Variants in RFX3 observed in about 807,000 individuals in gnomAD.
The protein encoded by RFX3 is regulatory factor X3, also known as transcription factor RFX3.
A neutral mutation model predicts 98.6 loss-of-function variants in RFX3; 14 were observed. The observed-to-expected ratio is 0.14, with a 90% CI of 0.09 to 0.22. The LOEUF (loss-of-function observed/expected upper bound fraction) is 0.22. Among genes scored for constraint, RFX3 ranks in the 10% least tolerant of loss-of-function variants. RFX3 has a pLI of 1.00. For missense variants in RFX3, 639 were observed against 926.9 expected, an observed-to-expected ratio of 0.69 and a Z score of 4.03; for synonymous variants, 383 against 328.4, an observed-to-expected ratio of 1.17 and a Z score of -1.80.
chr9:3,309,812 A>G (rs1829755546), intron 4 of RFX3, among the ~76,000 whole-genome samples: 2 of 152,222 alleles, frequency 1.3e-5, no homozygotes, highest in Admixed American at 1.3e-4. Context: ...CTTCTAAAGG[A>G]GAGTCCTTCT....
chr9:3,381,168 G>A (rs1839150965), intron 2 of RFX3, among the ~76,000 whole-genome samples: 1 of 151,802 alleles, frequency 6.6e-6, no homozygotes, highest in Non-Finnish European at 1.5e-5. Flanking sequence ...AACCCTCAAA[G>A]TCAAGGGAAC....
At chr9:3,489,598 T>A (rs1225423695) in intron 1 of RFX3, 1 of 168,064 alleles carries the variant, frequency 6.0e-6, no homozygotes, top group Non-Finnish European at 1.2e-5. Flanking sequence ...AGTCAACTAT[T>A]ATTTTTCTAC....
intron 1 of RFX3, among the ~76,000 whole-genome samples, chr9:3,454,843 T>C (rs1163925475): frequency 4.6e-5 from 7 of 152,310 alleles, no homozygotes; most frequent in Non-Finnish European, 5.9e-5. Context: ...AAAAACGTGG[T>C]ACAATTAAAT....
intron 2 of RFX3, among the ~76,000 whole-genome samples, chr9:3,390,920 AAAATT>A (rs1408613523): frequency 1.3e-5 from 2 of 152,168 alleles, no homozygotes; most frequent in Non-Finnish European, 2.9e-5. Context: ...GGTTGGTGCA[AAAATT>A]AAATTAATGG....
At chr9:3,330,093 C>G (rs1325819093) in intron 4 of RFX3, among the ~76,000 whole-genome samples, 166 bp downstream of exon 4, 1 of 152,146 alleles carries the variant, frequency 6.6e-6, no homozygotes, top group Non-Finnish European at 1.5e-5. Context: ...CAGTAACATT[C>G]TGCATAATAC....
chr9:3,357,801 C>T (rs1017657162), intron 2 of RFX3, among the ~76,000 whole-genome samples: 1 of 152,040 alleles, frequency 6.6e-6, no homozygotes, highest in African/African-American at 2.4e-5. Context: ...CCCAACTACA[C>T]TGACTGGTTC....
rs140510068 is a variant in RFX3, at chr9:3,240,749, G to T, written c.1968+7283C>A. On this transcript the variant is annotated intron_variant, in intron 15 of 16. Coordinates refer to ENST00000617270, the MANE Select transcript of RFX3 (RefSeq NM_001282116.2). ...CAAGAGTTATTTATTTATCAGGGGG[G>T]CCAGCAACCACTATCTTCACCTGTG... 6.5e-3 allele frequency among the ~76,000 whole-genome samples: 986 copies of T among 152,274 alleles called. 6 individuals carry two copies. The highest frequency in any genetic ancestry group is 0.01 in the Non-Finnish European group (700 of 68,016).
intron 4 of RFX3, among the ~76,000 whole-genome samples, chr9:3,313,679 T>C (rs1386941978): frequency 2.0e-5 from 3 of 152,152 alleles, no homozygotes; most frequent in African/African-American, 7.2e-5. Flanking sequence ...AATCCTTAAA[T>C]GACCTGATGG....
intron 1 of RFX3, among the ~76,000 whole-genome samples, chr9:3,518,601 T>C (rs1402227348): frequency 6.6e-6 from 1 of 152,174 alleles, no homozygotes; most frequent in Non-Finnish European, 1.5e-5. Context: ...TATAGATCAC[T>C]CTAAAATGAG....
intron 12 of RFX3, among the ~76,000 whole-genome samples, chr9:3,263,736 T>C (rs1361383499): frequency 2.0e-5 from 3 of 152,214 alleles, no homozygotes; most frequent in Non-Finnish European, 4.4e-5. Context: ...CCATTTTTCT[T>C]CATCTTGTTC....
intron 4 of RFX3, among the ~76,000 whole-genome samples, chr9:3,316,064 C>G (rs1485046455): frequency 6.6e-6 from 1 of 151,752 alleles, no homozygotes; most frequent in African/African-American, 2.4e-5. Context: ...CTGGCAGGGA[C>G]ACAATAAAAA....
intron 1 of RFX3, among the ~76,000 whole-genome samples, chr9:3,480,915 AGCTAGGCTCCAT>A (rs1849705312): frequency 6.6e-6 from 1 of 152,176 alleles, no homozygotes; most frequent in Non-Finnish European, 1.5e-5. Context: ...TAATCAACCT[AGCTAGGCTCCAT>A]TCTCCTCCCT....
Position 3,220,194 on chromosome 9 carries a change from G to A in RFX3, c.*4848C>T, listed in dbSNP as rs1425770283. The A allele has an allele frequency of 1.3e-5, 2 of 152,106 alleles. No individual in the cohort carries two copies. Among genetic ancestry groups the A allele is most frequent in the African/African-American group, 4.8e-5 (2 of 41,420 alleles). The allele number at this position is 152,106 out of a possible 1,614,324, so 9.4% of individuals were successfully genotyped here. A position where few individuals can be genotyped will look rare whatever the true frequency, so the allele number is the denominator to read the frequency against. ...GTGAAATTCGCAAACAATATTTTAT[G>A]AGCGATCTAACTCCAAATAGCCTAA... On this transcript the variant is annotated 3_prime_UTR_variant, in exon 17 of 17. Transcript: ENST00000617270.
rs374182890 is a variant in RFX3, at chr9:3,368,895, G to A, written c.118-22131C>T. On this transcript the variant is annotated intron_variant, in intron 2 of 16. Transcript: ENST00000617270. ...AGTGGTAATTCTGATGTAGACGAGA[G>A]AAAGATAATTTTATTTTGTAAGTAA... Among the ~76,000 whole-genome samples, 23 of 152,338 alleles carry A rather than the reference G, an allele frequency of 1.5e-4. No homozygotes were observed. The East Asian group carries it at 2.5e-3, about 17-fold the overall frequency.
In RFX3 at chr9:3,490,050, T is replaced by C. The variant is rs1383016662; in HGVS notation, c.-9+35697A>G. Among the ~76,000 whole-genome samples, 6 of 152,238 alleles carry C rather than the reference T, an allele frequency of 3.9e-5. No individual in the cohort carries two copies. In the East Asian group the frequency reaches 1.2e-3, roughly 29 times the overall value. ...AAAATATAAACTGAAAACACATAAC[T>C]ATGTAAATAATACTGTTTTCTTGAA... On this transcript the variant is annotated intron_variant, in intron 1 of 16. Transcript: ENST00000617270.
At chr9:3,467,352 G>C (rs934641610) in intron 1 of RFX3, among the ~76,000 whole-genome samples, 8 of 148,718 alleles carry the variant, frequency 5.4e-5, no homozygotes, top group African/African-American at 1.7e-4. Context: ...GTGTAATTAA[G>C]TCTATCACTG....
intron 7 of RFX3, among the ~76,000 whole-genome samples, chr9:3,279,659 A>C (rs988322267): frequency 4.6e-5 from 7 of 151,868 alleles, no homozygotes; most frequent in African/African-American, 1.4e-4. Context: ...CAAAAGACAG[A>C]TGTTACATCA....
intron 1 of RFX3, among the ~76,000 whole-genome samples, chr9:3,463,099 C>G (rs759116231): frequency 6.6e-6 from 1 of 151,698 alleles, no homozygotes; most frequent in Non-Finnish European, 1.5e-5. Flanking sequence ...TTTTGAAACA[C>G]AAGAGAAAGT....
At chr9:3,431,376 C>G (rs1283603456) in intron 1 of RFX3, among the ~76,000 whole-genome samples, 1 of 152,008 alleles carries the variant, frequency 6.6e-6, no homozygotes, top group Non-Finnish European at 1.5e-5. Context: ...TTCATATGTA[C>G]CATAGATTAA....
Sources: allele counts gnomAD v4.1 joint callset (sites outside exome capture counted in the v4.1 genomes callset), GRCh38; gene constraint gnomAD v4.1.1; transcripts MANE v1.5; gene names NCBI Gene and HGNC (gene_info 2026-07-23, HGNC 2026-07-21).